The following BBS5 variants were observed in gnomAD, a reference collection of about 807,000 sequenced individuals.
BBS5 encodes the protein Bardet-Biedl syndrome 5.
BBS5 carries 39 observed loss-of-function variants against 50.2 expected under a neutral mutation model. The observed-to-expected ratio is 0.78, with a 90% CI of 0.60 to 1.01. The LOEUF is 1.01. Among genes scored for constraint, BBS5 ranks in the 50% least tolerant of loss-of-function variants. BBS5 has a pLI of 0.00. For synonymous variants in BBS5, 134 were observed against 133.1 expected (o/e 1.01, Z -0.05); for missense variants, 356 against 401.5 (o/e 0.89, Z 0.97).
At chr2:169,480,676 T>TTTTC (rs1486210498) in intron 1 of BBS5, among the ~76,000 whole-genome samples, 20 of 86,150 alleles carry the variant, frequency 2.3e-4, no homozygotes, top group Non-Finnish European at 4.2e-4. Flanking sequence ...CATTCTTTTT[T>TTTTC]TTTTTTTTTT....
intron 2 of BBS5, among the ~76,000 whole-genome samples, chr2:169,483,675 A>G (rs1328345485): frequency 6.6e-6 from 1 of 152,136 alleles, no homozygotes; most frequent in Non-Finnish European, 1.5e-5. Context: ...CTCAGAAGAA[A>G]GGCTTAGAAA....
At chr2:169,497,602 T>A (rs375071328) in intron 7 of BBS5, 25 bp from the exon 8 acceptor site, 1 of 1,428,552 alleles carries the variant, frequency 7.0e-7, no homozygotes, top group South Asian at 1.2e-5. Context: ...AACTTGCATG[T>A]TTTTCTTTTT....
Position 169,482,362 on chromosome 2 carries a change from T to A in BBS5, c.142+29T>A, listed in dbSNP as rs754653492. On this transcript the variant is annotated intron_variant, in intron 2 of 11. Coordinates refer to ENST00000295240, the MANE Select transcript of BBS5 (RefSeq NM_152384.3). ...AGTATATTTTTAAATGTATCTTATA[T>A]TCCTGGTTTAATTTACAAATGTTGA... 1.4e-5 allele frequency: 19 copies of A among 1,351,572 alleles called. No homozygotes were observed. In the African/African-American group the frequency reaches 2.7e-4, roughly 19 times the overall value. 83.7% of individuals were successfully genotyped at this position (1,351,572 alleles called of 1,614,324 possible).
chr2:169,484,099 T>C (rs1255640205), intron 2 of BBS5, among the ~76,000 whole-genome samples: 3 of 152,188 alleles, frequency 2.0e-5, no homozygotes, highest in Non-Finnish European at 2.9e-5. Flanking sequence ...TTAATAAAAA[T>C]AGGCCAACTG....
Position 169,504,890 on chromosome 2 carries a change from C to G in BBS5, c.*308C>G. The G allele has an allele frequency of 6.2e-7, 1 of 1,613,586 alleles. No individual in the cohort carries two copies. Among genetic ancestry groups the G allele is most frequent in the Non-Finnish European group, 8.5e-7 (1 of 1,179,858 alleles). ...ACAGCAGTGCCTGCACGCCCGGCTG[C>G]AAATTCGCCCAGCCAATGGGGACGT... is the stretch of plus-strand genomic sequence containing the variant. On this transcript the variant is annotated 3_prime_UTR_variant, in exon 12 of 12. Transcript: ENST00000295240.
chr2:169,496,051 T>TAG (rs1472924745), intron 7 of BBS5, among the ~76,000 whole-genome samples: 4 of 152,180 alleles, frequency 2.6e-5, no homozygotes, highest in African/African-American at 9.7e-5. Context: ...CCTTTCTTCT[T>TAG]TTTCTGAGTC....
chr2:169,488,999 A>C (rs78457742), intron 5 of BBS5, among the ~76,000 whole-genome samples: 3,675 of 151,710 alleles, frequency 0.024, 158 homozygotes, highest in African/African-American at 0.084. Context: ...TTATTTATTT[A>C]TGTTTAAATA....
Position 169,487,816 on chromosome 2 carries a change from C to T in BBS5, c.219C>T (p.Tyr73=), listed in dbSNP as rs2105294702. 6.2e-7 allele frequency: 1 copy of T among 1,607,426 alleles called. No individual in the cohort carries two copies. Residue 73 remains tyrosine (Y), a synonymous_variant, in exon 4 of 12, where the codon TAC becomes TAT. Transcript: ENST00000295240. ...GCTTTTGGATTTTAGCTGTCGGTTA[C>T]AATTGCATATTGAATATTACAACAA... is the stretch of plus-strand genomic sequence containing the variant. ...ALSRVNVSVG[Y]NCILNITTRT...
chr2:169,483,239 G>A, intron 2 of BBS5, among the ~76,000 whole-genome samples: 1 of 152,170 alleles, frequency 6.6e-6, no homozygotes, highest in Non-Finnish European at 1.5e-5. Flanking sequence ...CCTGCTCTGA[G>A]GTGGCATGTA....
At chr2:169,500,409 A>T (rs945542805) in intron 9 of BBS5, among the ~76,000 whole-genome samples, 1 of 152,090 alleles carries the variant, frequency 6.6e-6, no homozygotes, top group Non-Finnish European at 1.5e-5. Context: ...ATTCTGTCAG[A>T]GGTGCTCTTT....
rs762874195 is a variant in BBS5 at position 169,479,624 on chromosome 2, A to G, written c.59+12A>G. ...GACCTGTCCGCGCAGTGAGTTTCCA[A>G]GATTCCCGAGGGATCTTCAACCCTG... On this transcript the variant is annotated intron_variant, in intron 1 of 11. Coordinates refer to ENST00000295240, the MANE Select transcript of BBS5 (RefSeq NM_152384.3). The G allele has an allele frequency of 1.9e-6, 3 of 1,614,082 alleles. No homozygotes were observed. Among genetic ancestry groups the G allele is most frequent in the East Asian group, 2.2e-5 (1 of 44,856 alleles).
intron 2 of BBS5, among the ~76,000 whole-genome samples, chr2:169,483,787 G>C (rs558740002): frequency 1.4e-4 from 22 of 152,218 alleles, no homozygotes; most frequent in African/African-American, 5.1e-4. Flanking sequence ...AATGCTTCCT[G>C]GTGTACATCA....
At chr2:169,480,054 A>G (rs1683362399) in intron 1 of BBS5, among the ~76,000 whole-genome samples, 3 of 152,212 alleles carry the variant, frequency 2.0e-5, no homozygotes, top group African/African-American at 7.2e-5. Context: ...GCCCTTGAGC[A>G]GATGTCTTCA....
At chr2:169,495,500 T>C (rs975793561) in intron 7 of BBS5, among the ~76,000 whole-genome samples, 3 of 152,002 alleles carry the variant, frequency 2.0e-5, no homozygotes, top group Admixed American at 6.6e-5. Context: ...GCGGCAGTCA[T>C]AGTCTAACTT....
At position 169,488,093 on chromosome 2, in the gene BBS5, C is replaced by T. The variant is rs74271896; in HGVS notation, c.365C>T (p.Thr122Ile). The change falls in exon 5 of 12, where the codon ACT becomes ATT. Residue 122 changes from threonine (T) to isoleucine (I), a missense_variant. Coordinates refer to ENST00000295240, the MANE Select transcript of BBS5 (RefSeq NM_152384.3). Reference protein sequence around the residue: ...NLVPGSPRLFTSVMAVHRAYE... With the variant: ...NLVPGSPRLFISVMAVHRAYE... Reference sequence around the variant, plus strand: ...GTTCCTGGAAGCCCTAGACTTTTTACTTCTGTGATGGCAGTACACAGGTAT... The same window carrying T: ...GTTCCTGGAAGCCCTAGACTTTTTATTTCTGTGATGGCAGTACACAGGTAT... The T allele has an allele frequency of 2.7e-5, 44 of 1,612,990 alleles. No individual in the cohort carries two copies. The highest frequency in any genetic ancestry group is 3.4e-5 in the Non-Finnish European group (40 of 1,179,308).
rs1683890811 is a variant in BBS5, at chr2:169,505,312, C to T, written c.*730C>T. 1 of 373,844 alleles carries T rather than the reference C, an allele frequency of 2.7e-6. No homozygotes were observed. The highest frequency in any genetic ancestry group is 2.1e-5 in the African/African-American group (1 of 47,120). 23.2% of individuals were successfully genotyped at this position (373,844 alleles called of 1,614,324 possible). A position where few individuals can be genotyped will look rare whatever the true frequency, so the allele number is the denominator to read the frequency against. On this transcript the variant is annotated 3_prime_UTR_variant, in exon 12 of 12. Transcript: ENST00000295240. ...CGTGATCTCCGCTCGCTACAACCTCCACCTCCCAGCTGCCTGCCTTGGCCT... is the reference window on the plus strand; with the variant it reads ...CGTGATCTCCGCTCGCTACAACCTCTACCTCCCAGCTGCCTGCCTTGGCCT...
rs79907108 is a variant in BBS5 at position 169,504,067 on chromosome 2, C to A, written c.901-236C>A. Among the ~76,000 whole-genome samples the A allele has an allele frequency of 0.1, 15,140 of 152,098 alleles. 961 individuals carry two copies. Among genetic ancestry groups the A allele is most frequent in the Middle Eastern group, 0.19 (55 of 294 alleles). On this transcript the variant is annotated intron_variant, in intron 10 of 11. Transcript: ENST00000295240. Reference sequence around the variant, plus strand: ...TTTATCTCCTTTCAAGTTAACAGTGCTAATCATACATTACAAAGCACATTT... The same window carrying A: ...TTTATCTCCTTTCAAGTTAACAGTGATAATCATACATTACAAAGCACATTT...
intron 2 of BBS5, among the ~76,000 whole-genome samples, chr2:169,486,518 G>C (rs1400550774): frequency 1.3e-5 from 2 of 152,142 alleles, no homozygotes; most frequent in African/African-American, 4.8e-5. Context: ...AGATCAAAAA[G>C]TATAAAGCCT....
rs866877136 is a variant in BBS5 at position 169,487,694 on chromosome 2, A to G, written c.209-112A>G. 34 of 686,248 alleles carry G rather than the reference A, an allele frequency of 5.0e-5. No individual in the cohort carries two copies. In the South Asian group the frequency reaches 5.6e-4, roughly 11 times the overall value. 42.5% of individuals were successfully genotyped at this position (686,248 alleles called of 1,614,324 possible). ...AACTTTTAAAAGTTTATTTCTATATATGTTTAATTTTTTAAACTGTTAAAA... is the reference window on the plus strand; with the variant it reads ...AACTTTTAAAAGTTTATTTCTATATGTGTTTAATTTTTTAAACTGTTAAAA... On this transcript the variant is annotated intron_variant, in intron 3 of 11. Coordinates refer to ENST00000295240, the MANE Select transcript of BBS5 (RefSeq NM_152384.3).
Sources: allele counts gnomAD v4.1 joint callset (sites outside exome capture counted in the v4.1 genomes callset), GRCh38; gene constraint gnomAD v4.1.1; transcripts MANE v1.5; gene names NCBI Gene and HGNC (gene_info 2026-07-23, HGNC 2026-07-21).